CCDC152: variants seen among roughly 807,000 people sequenced by gnomAD.
CCDC152 encodes the protein coiled-coil domain containing 152, also known as coiled-coil domain-containing protein 152.
CCDC152 carries 37 observed loss-of-function variants against 38.1 expected under a neutral mutation model. That is an observed-to-expected ratio of 0.97 (90% CI 0.75 to 1.28). The LOEUF (loss-of-function observed/expected upper bound fraction) is 1.28, where lower values mean the gene tolerates loss of function less well. CCDC152 is among the 50% of genes most tolerant of loss of function. The pLI is 0.00. For synonymous variants in CCDC152, 83 were observed against 87.1 expected (o/e 0.95, Z 0.26); for missense variants, 259 against 292.1 (o/e 0.89, Z 0.83).
chr5:42,767,861 T>C (rs990049248), intron 3 of CCDC152, among the ~76,000 whole-genome samples: 2 of 152,252 alleles, frequency 1.3e-5, no homozygotes, highest in Non-Finnish European at 2.9e-5. Context: ...AGTCTGTCTA[T>C]GCCTCTTTAA....
Position 42,758,257 on chromosome 5 carries a change from T to A in CCDC152, c.-2-863T>A, listed in dbSNP as rs2972996. On this transcript the variant is annotated intron_variant, in intron 1 of 8. Coordinates refer to ENST00000361970, the MANE Select transcript of CCDC152 (RefSeq NM_001134848.2). ...AAATAACATATTGTCAAGCAATATCTGTTTTGGTTAACTTCCTTTTAAACA... is the reference window on the plus strand; with the variant it reads ...AAATAACATATTGTCAAGCAATATCAGTTTTGGTTAACTTCCTTTTAAACA... Among the ~76,000 whole-genome samples the A allele has an allele frequency of 2.1e-3, 317 of 152,358 alleles. 2 individuals are homozygous for A. Among genetic ancestry groups the A allele is most frequent in the African/African-American group, 7.2e-3 (300 of 41,590 alleles).
At chr5:42,790,753 T>TA (rs1759988115) in intron 6 of CCDC152, among the ~76,000 whole-genome samples, 1 of 152,184 alleles carries the variant, frequency 6.6e-6, no homozygotes, top group Non-Finnish European at 1.5e-5. Flanking sequence ...ATTTGCCCAT[T>TA]AAATAAGTTC....
intron 2 of CCDC152, among the ~76,000 whole-genome samples, chr5:42,761,882 T>C (rs1351188786): frequency 6.6e-6 from 1 of 152,254 alleles, no homozygotes; most frequent in Non-Finnish European, 1.5e-5. Flanking sequence ...TTTAATATTT[T>C]ACCATGTTAC....
chr5:42,782,862 A>G (rs1759865650), intron 5 of CCDC152, among the ~76,000 whole-genome samples: 3 of 151,920 alleles, frequency 2.0e-5, no homozygotes, highest in African/African-American at 7.3e-5. Context: ...TAATTTTCAA[A>G]TTAAAATTTA....
At position 42,801,431 on chromosome 5, in the gene CCDC152, T is replaced by G; in HGVS notation, c.*1650T>G. 2.3e-6 allele frequency: 2 copies of G among 881,716 alleles called. No individual in the cohort carries two copies. Among genetic ancestry groups the G allele is most frequent in the Non-Finnish European group, 3.5e-6 (2 of 577,650 alleles). 54.6% of individuals were successfully genotyped at this position (881,716 alleles called of 1,614,324 possible). A position where few individuals can be genotyped will look rare whatever the true frequency, so the allele number is the denominator to read the frequency against. Reference sequence around the variant, plus strand: ...GCTAACATGTGAAATTCCAACTAGTTAATTAGAATCGAGCTGGCTTTGTAT... The same window carrying G: ...GCTAACATGTGAAATTCCAACTAGTGAATTAGAATCGAGCTGGCTTTGTAT... On this transcript the variant is annotated 3_prime_UTR_variant, in exon 9 of 9. Coordinates refer to ENST00000361970, the MANE Select transcript of CCDC152 (RefSeq NM_001134848.2).
chr5:42,764,006 A>C (rs111784560), intron 3 of CCDC152, among the ~76,000 whole-genome samples: 69 of 152,310 alleles, frequency 4.5e-4, no homozygotes, highest in Middle Eastern at 6.8e-3. Context: ...AATTGAGTGA[A>C]AGTACAGAGA....
chr5:42,762,384 TA>T, intron 2 of CCDC152, 58 bp from the exon 3 acceptor site: 1 of 900,460 alleles, frequency 1.1e-6, no homozygotes, highest in Non-Finnish European at 1.7e-6. Context: ...ATATACTTAA[TA>T]AAAAATTAAA....
chr5:42,783,584 T>A lies in CCDC152; in HGVS notation c.430+8T>A. The A allele has an allele frequency of 4.6e-6, 6 of 1,311,190 alleles. No individual in the cohort carries two copies. Among genetic ancestry groups the A allele is most frequent in the Non-Finnish European group, 5.9e-6 (6 of 1,010,770 alleles). 81.2% of individuals were successfully genotyped at this position (1,311,190 alleles called of 1,614,324 possible). ...AGGACATGCAGAGAAAAGGTAAGTT[T>A]AAAATAAACTTGCTTTTTTGTTATT... is the stretch of plus-strand genomic sequence containing the variant. On this transcript the variant is annotated splice_region_variant and intron_variant, in intron 6 of 8. Coordinates refer to ENST00000361970, the MANE Select transcript of CCDC152 (RefSeq NM_001134848.2).
chr5:42,769,675 A>G lies in CCDC152; in HGVS notation c.262+10A>G. On this transcript the variant is annotated intron_variant, in intron 4 of 8. Transcript: ENST00000361970. ...CAACAGAATTTGAAAGGTAAGTTAG[A>G]AAAAAAAGTAAAATCTAAAAAAGCA... 2 of 1,463,010 alleles carry G rather than the reference A, an allele frequency of 1.4e-6. No homozygotes were observed. The highest frequency in any genetic ancestry group is 9.0e-7 in the Non-Finnish European group (1 of 1,105,020). 90.6% of individuals were successfully genotyped at this position (1,463,010 alleles called of 1,614,324 possible).
At position 42,788,220 on chromosome 5, in the gene CCDC152, ATT is replaced by A. The variant is rs59948688; in HGVS notation, c.430+4654_430+4655del. On this transcript the variant is annotated intron_variant, in intron 6 of 8. Transcript: ENST00000361970. Reference sequence around the variant, plus strand: ...GGTGGATATAAAATTCTTGGATGGCATTTTTTTTTTTCTTTAAGAAAGCTAAA... The same window carrying A: ...GGTGGATATAAAATTCTTGGATGGCATTTTTTTTTCTTTAAGAAAGCTAAA... 2.7e-3 allele frequency among the ~76,000 whole-genome samples: 399 copies of A among 148,456 alleles called. 1 individual carries two copies. The highest frequency in any genetic ancestry group is 3.5e-3 in the Middle Eastern group (1 of 284).
intron 4 of CCDC152, among the ~76,000 whole-genome samples, chr5:42,776,037 C>A (rs1759764930): frequency 6.6e-6 from 1 of 151,396 alleles, no homozygotes; most frequent in South Asian, 2.1e-4. Context: ...AAAATAGGAT[C>A]AAAGAACAAG....
chr5:42,799,150 A>G (rs1047471629), intron 7 of CCDC152, among the ~76,000 whole-genome samples: 1 of 152,082 alleles, frequency 6.6e-6, no homozygotes, highest in African/African-American at 2.4e-5. Context: ...AGAAAAAAAA[A>G]ACCTCTCCAG....
At chr5:42,763,618 G>T (rs1044777994) in intron 3 of CCDC152, among the ~76,000 whole-genome samples, 1 of 152,096 alleles carries the variant, frequency 6.6e-6, no homozygotes, top group Non-Finnish European at 1.5e-5. Flanking sequence ...AATAAAGATG[G>T]CAATTCTGTG....
intron 3 of CCDC152, among the ~76,000 whole-genome samples, chr5:42,765,890 A>G (rs1394268395): frequency 1.3e-5 from 2 of 152,222 alleles, no homozygotes; most frequent in Non-Finnish European, 2.9e-5. Context: ...AGCACAAGCA[A>G]CCAAAGCAAA....
intron 3 of CCDC152, among the ~76,000 whole-genome samples, chr5:42,766,724 G>A (rs1271720243): frequency 1.3e-5 from 2 of 152,112 alleles, no homozygotes; most frequent in African/African-American, 4.8e-5. Context: ...TAAACTCATG[G>A]ACATAGAGAG....
chr5:42,772,192 A>T (rs544567778), intron 4 of CCDC152, among the ~76,000 whole-genome samples: 3 of 152,326 alleles, frequency 2.0e-5, no homozygotes, highest in African/African-American at 7.2e-5. Context: ...ACCTCAATAG[A>T]TACAGAAAAA....
intron 6 of CCDC152, among the ~76,000 whole-genome samples, chr5:42,787,459 A>G (rs749276111): frequency 1.1e-4 from 17 of 151,856 alleles, no homozygotes; most frequent in Non-Finnish European, 2.2e-4. Context: ...CTTGCAATCC[A>G]TATTTTGAAT....
intron 2 of CCDC152, among the ~76,000 whole-genome samples, chr5:42,761,116 A>G (rs1018202477): frequency 6.6e-6 from 1 of 152,122 alleles, no homozygotes; most frequent in African/African-American, 2.4e-5. Context: ...ATGATATAAG[A>G]CTGTTCATGA....
Position 42,800,971 on chromosome 5 carries a change from T to C in CCDC152, c.*1190T>C. ...AGATGTCGACAATGGCAGCATCAGC[T>C]CCTAGGAGCCAACTCTGAATCTGTG... On this transcript the variant is annotated 3_prime_UTR_variant, in exon 9 of 9. Transcript: ENST00000361970. 2 of 1,614,220 alleles carry C rather than the reference T, an allele frequency of 1.2e-6. No homozygotes were observed. Among genetic ancestry groups the C allele is most frequent in the Non-Finnish European group, 1.7e-6 (2 of 1,180,036 alleles).
Sources: allele counts gnomAD v4.1 joint callset (sites outside exome capture counted in the v4.1 genomes callset), GRCh38; gene constraint gnomAD v4.1.1; transcripts MANE v1.5; gene names NCBI Gene and HGNC (gene_info 2026-07-23, HGNC 2026-07-21).